The following TBC1D2 variants were observed in gnomAD, a reference collection of about 807,000 sequenced individuals.
TBC1D2 encodes the protein TBC1 domain family member 2A.
Under a neutral mutation model 91.1 loss-of-function variants are expected in TBC1D2, and 58 were observed. The ratio of observed to expected loss-of-function variants is 0.64; its 90% CI spans 0.52 to 0.79. The LOEUF (loss-of-function observed/expected upper bound fraction) is 0.79, where lower values mean the gene tolerates loss of function less well. TBC1D2 is among the 30% of genes least tolerant of loss of function. TBC1D2 has a pLI of 0.00. For synonymous variants in TBC1D2, 482 were observed against 511.5 expected (o/e 0.94, Z 0.78); for missense variants, 1,080 against 1,208.3 (o/e 0.89, Z 1.57).
chr9:98,218,298 G>A (rs1053028354), intron 6 of TBC1D2, among the ~76,000 whole-genome samples: 1 of 152,064 alleles, frequency 6.6e-6, no homozygotes, highest in Non-Finnish European at 1.5e-5. Context: ...CAGGTGCGGT[G>A]GCTCACACCT....
chr9:98,246,679 CAG>C (rs1199303925), intron 2 of TBC1D2, among the ~76,000 whole-genome samples: 1 of 152,076 alleles, frequency 6.6e-6, no homozygotes. Context: ...CAACCCAGGT[CAG>C]GGGAAACTTC....
intron 6 of TBC1D2, 166 bp from the exon 7 acceptor site, chr9:98,213,384 T>A: frequency 7.0e-7 from 1 of 1,431,390 alleles, no homozygotes; most frequent in East Asian, 2.6e-5. Flanking sequence ...ATAGCACCCT[T>A]CTCTATTCTT....
chr9:98,250,444 G>A (rs1438318907), intron 2 of TBC1D2, among the ~76,000 whole-genome samples: 2 of 152,126 alleles, frequency 1.3e-5, no homozygotes, highest in African/African-American at 4.8e-5. Flanking sequence ...TGAGAGATGA[G>A]GTGTGACCTG....
At chr9:98,255,040 G>T in intron 1 of TBC1D2, 133 bp downstream of exon 1, 4 of 1,429,972 alleles carry the variant, frequency 2.8e-6, no homozygotes, top group Non-Finnish European at 3.7e-6. Flanking sequence ...ACTTTGCAAA[G>T]CACAAAGTTC....
At chr9:98,222,508 C>A (rs1486102019) in intron 5 of TBC1D2, among the ~76,000 whole-genome samples, 1 of 152,230 alleles carries the variant, frequency 6.6e-6, no homozygotes, top group Non-Finnish European at 1.5e-5. Context: ...TCAGCAGGGG[C>A]AACTAATTCA....
At position 98,199,218 on chromosome 9, in the gene TBC1D2, C is replaced by T. The variant is rs1588022373; in HGVS notation, c.*163G>A. On this transcript the variant is annotated 3_prime_UTR_variant, in exon 13 of 13. Coordinates refer to ENST00000465784, the MANE Select transcript of TBC1D2 (RefSeq NM_001267571.2). Reference sequence around the variant, plus strand: ...TAGCCCAACCAATGGCTTTGCAGCACACAATGTCCCAGTGGGGAAACTGAG... The same window carrying T: ...TAGCCCAACCAATGGCTTTGCAGCATACAATGTCCCAGTGGGGAAACTGAG... The T allele has an allele frequency of 1.3e-6, 1 of 773,536 alleles. No homozygotes were observed. The allele number at this position is 773,536 out of a possible 1,614,324, so 47.9% of individuals were successfully genotyped here.
Position 98,208,901 on chromosome 9 carries a change from G to A in TBC1D2, c.1917C>T (p.Val639=), listed in dbSNP as rs1053478067. 1 of 1,614,106 alleles carries A rather than the reference G, an allele frequency of 6.2e-7. No individual in the cohort carries two copies. Among genetic ancestry groups the A allele is most frequent in the Non-Finnish European group, 8.5e-7 (1 of 1,180,010 alleles). Residue 639 remains valine (V), a synonymous_variant, in exon 9 of 13, where the codon GTC becomes GTT. Transcript: ENST00000465784. ...TGTGCAGGTGCTGGACACGGAGGTG[G>A]ACCAGCCACCTCCAGACACGAGGCC... ...EHRPRVWRWL[V]HLRVQHLHTP...
chr9:98,246,186 C>A (rs1829760100), intron 2 of TBC1D2, among the ~76,000 whole-genome samples: 1 of 152,136 alleles, frequency 6.6e-6, no homozygotes, highest in Non-Finnish European at 1.5e-5. Context: ...ATTAGACAGC[C>A]CCTGAGACCT....
At chr9:98,201,394 C>G in intron 11 of TBC1D2, 85 bp downstream of exon 11, 1 of 1,286,326 alleles carries the variant, frequency 7.8e-7, no homozygotes, top group Non-Finnish European at 1.1e-6. Flanking sequence ...CATTGTCTTC[C>G]CATTCTCCAG....
chr9:98,231,279 C>CTTTTTTTTTTTTTTT (rs35195996), intron 4 of TBC1D2, among the ~76,000 whole-genome samples: 3 of 76,740 alleles, frequency 3.9e-5, no homozygotes, highest in African/African-American at 1.1e-4. Flanking sequence ...CTCAACTCTG[C>CTTTTTTTTTTTTTTT]TTTTTTTTTT....
chr9:98,236,956 A>G (rs1435571204), intron 3 of TBC1D2, among the ~76,000 whole-genome samples: 1 of 150,790 alleles, frequency 6.6e-6, no homozygotes, highest in Non-Finnish European at 1.5e-5. Context: ...CATTCAAAAT[A>G]CTTTTCATGG....
chr9:98,203,073 C>A (rs778707375), intron 10 of TBC1D2, among the ~76,000 whole-genome samples: 1 of 152,276 alleles, frequency 6.6e-6, no homozygotes, highest in African/African-American at 2.4e-5. Flanking sequence ...CCCTGCGGTA[C>A]TGCCTTGTCA....
At chr9:98,217,870 T>C (rs1829006703) in intron 6 of TBC1D2, among the ~76,000 whole-genome samples, 1 of 152,004 alleles carries the variant, frequency 6.6e-6, no homozygotes, top group African/African-American at 2.4e-5. Context: ...GGTGCCTTCA[T>C]ACCTAGTGAA....
chr9:98,220,877 T>G lies in TBC1D2; in HGVS notation c.1330A>C (p.Asn444His). 1 of 1,614,138 alleles carries G rather than the reference T, an allele frequency of 6.2e-7. No individual in the cohort carries two copies. The highest frequency in any genetic ancestry group is 8.5e-7 in the Non-Finnish European group (1 of 1,179,982). Residue 444 changes from asparagine (N) to histidine (H), a missense_variant, in exon 6 of 13, where the codon AAC becomes CAC. Transcript: ENST00000465784. The stretch of plus-strand genomic sequence containing the variant: ...CCCTGCTGGCTCAGGAAGTCCCTGT[T>G]GGCAGCGTCGGGGCGCAAAGGAGAC... ...DQSPLRPDAANRDFLSQQGKI... is the reference protein window; with the variant it reads ...DQSPLRPDAAHRDFLSQQGKI...
intron 6 of TBC1D2, among the ~76,000 whole-genome samples, chr9:98,220,315 G>A (rs1466943293): frequency 1.3e-5 from 2 of 152,138 alleles, no homozygotes; most frequent in African/African-American, 2.4e-5. Context: ...AGGACTAAAT[G>A]TGGCGATGCA....
chr9:98,230,248 A>G (rs202106405), intron 4 of TBC1D2, among the ~76,000 whole-genome samples: 2 of 87,924 alleles, frequency 2.3e-5, no homozygotes, highest in Non-Finnish European at 5.6e-5. Flanking sequence ...TTCTTATAAG[A>G]AAATATGTTT....
At chr9:98,251,240 G>A (rs760805981) in intron 2 of TBC1D2, among the ~76,000 whole-genome samples, 2 of 151,724 alleles carry the variant, frequency 1.3e-5, no homozygotes, top group East Asian at 1.9e-4. Context: ...GCAGTGAGCC[G>A]AGATTGCACC....
intron 4 of TBC1D2, among the ~76,000 whole-genome samples, chr9:98,231,279 CTTTTTTT>C (rs35195996): frequency 3.8e-4 from 29 of 76,716 alleles, no homozygotes; most frequent in Middle Eastern, 0.013. Flanking sequence ...CTCAACTCTG[CTTTTTTT>C]TTTTTTTTTT....
chr9:98,249,884 T>G (rs1829836439), intron 2 of TBC1D2, among the ~76,000 whole-genome samples: 1 of 152,176 alleles, frequency 6.6e-6, no homozygotes, highest in Non-Finnish European at 1.5e-5. Flanking sequence ...ATTATAAAGT[T>G]TAGTGTATTG....
Sources: allele counts gnomAD v4.1 joint callset (sites outside exome capture counted in the v4.1 genomes callset), GRCh38; gene constraint gnomAD v4.1.1; transcripts MANE v1.5; gene names NCBI Gene and HGNC (gene_info 2026-07-23, HGNC 2026-07-21).